The following FREM1 variants were observed in gnomAD, a reference collection of about 807,000 sequenced individuals.
FREM1 encodes the protein FRAS1 related extracellular matrix 1, also known as FRAS1-related extracellular matrix protein 1.
In FREM1, 220 loss-of-function variants were observed where a neutral mutation model predicts 210.1. That is an observed-to-expected ratio of 1.05 (90% CI 0.94 to 1.17). The LOEUF (loss-of-function observed/expected upper bound fraction) is 1.17. Among genes scored for constraint, FREM1 ranks in the 50% most tolerant of loss-of-function variants. The pLI is 0.00. For missense variants in FREM1, 3,454 were observed against 2,675.5 expected (o/e 1.29, Z -6.42); for synonymous variants, 1,189 against 980.2 (o/e 1.21, Z -3.98).
chr9:14,775,627 G>A (rs932586262), intron 25 of FREM1, among the ~76,000 whole-genome samples, 162 bp downstream of exon 25: 1 of 148,786 alleles, frequency 6.7e-6, no homozygotes, highest in East Asian at 2.0e-4. Flanking sequence ...AGAATCGCTT[G>A]AGCCCAGGAG....
intron 27 of FREM1, among the ~76,000 whole-genome samples, chr9:14,767,624 C>G (rs534203039): frequency 1.1e-4 from 17 of 152,142 alleles, no homozygotes; most frequent in African/African-American, 4.1e-4. Context: ...TAACTACGTT[C>G]TGCCTGGCTG....
chr9:14,877,919 T>C (rs1482938330), intron 1 of FREM1, among the ~76,000 whole-genome samples: 1 of 152,126 alleles, frequency 6.6e-6, no homozygotes, highest in Non-Finnish European at 1.5e-5. Flanking sequence ...AAATAAAAAG[T>C]TAATACACTC....
At chr9:14,769,126 T>A (rs1476918283) in intron 27 of FREM1, among the ~76,000 whole-genome samples, 1 of 152,172 alleles carries the variant, frequency 6.6e-6, no homozygotes, top group Non-Finnish European at 1.5e-5. Flanking sequence ...TCTCGTTAAT[T>A]TTGAAGATTT....
intron 10 of FREM1, among the ~76,000 whole-genome samples, chr9:14,828,729 C>G (rs745779587): frequency 6.7e-5 from 10 of 150,184 alleles, no homozygotes; most frequent in Non-Finnish European, 1.3e-4. Context: ...CTAAATTAGT[C>G]ATTTATCCCG....
chr9:14,822,276 T>C (rs886175458), intron 13 of FREM1, among the ~76,000 whole-genome samples: 2 of 152,158 alleles, frequency 1.3e-5, no homozygotes, highest in African/African-American at 4.8e-5. Flanking sequence ...AATACACCCA[T>C]CAAAACTTCT....
At chr9:14,805,444 G>A (rs1818185868) in intron 18 of FREM1, among the ~76,000 whole-genome samples, 2 of 152,208 alleles carry the variant, frequency 1.3e-5, no homozygotes, top group African/African-American at 2.4e-5. Flanking sequence ...TAGAATAAAT[G>A]TCGGAGACCT....
At position 14,737,299 on chromosome 9, in the gene FREM1, C is replaced by G. The variant is rs1377597298; in HGVS notation, c.*97G>C. 2 of 825,326 alleles carry G rather than the reference C, an allele frequency of 2.4e-6. No individual in the cohort carries two copies. Among genetic ancestry groups the G allele is most frequent in the East Asian group, 2.6e-5 (1 of 37,936 alleles). The allele number at this position is 825,326 out of a possible 1,614,324, so 51.1% of individuals were successfully genotyped here. A position where few individuals can be genotyped will look rare whatever the true frequency, so the allele number is the denominator to read the frequency against. On this transcript the variant is annotated 3_prime_UTR_variant, in exon 37 of 37. Coordinates refer to ENST00000380880, the MANE Select transcript of FREM1 (RefSeq NM_001379081.2). Reference sequence around the variant, plus strand: ...ACAGAATCACAAAGGTATACCCACTCAATCATAACAATTTGTTTTCTATGG... The same window carrying G: ...ACAGAATCACAAAGGTATACCCACTGAATCATAACAATTTGTTTTCTATGG...
intron 13 of FREM1, among the ~76,000 whole-genome samples, chr9:14,822,180 C>T (rs1044289493): frequency 5.9e-5 from 9 of 152,116 alleles, no homozygotes; most frequent in African/African-American, 1.4e-4. Context: ...TCCCTAGCCA[C>T]GTGAAACTGT....
intron 24 of FREM1, among the ~76,000 whole-genome samples, chr9:14,781,425 C>T (rs999645969): frequency 6.6e-6 from 1 of 152,086 alleles, no homozygotes; most frequent in African/African-American, 2.4e-5. Flanking sequence ...TTGCCATATG[C>T]CTGTACTATG....
chr9:14,782,896 A>G (rs764903762), intron 24 of FREM1, among the ~76,000 whole-genome samples: 28 of 152,208 alleles, frequency 1.8e-4, no homozygotes, highest in Non-Finnish European at 3.5e-4. Flanking sequence ...GTGTAACCTG[A>G]TGATTGTCAC....
At chr9:14,818,401 A>G (rs1312939871) in intron 14 of FREM1, among the ~76,000 whole-genome samples, 7 of 152,200 alleles carry the variant, frequency 4.6e-5, no homozygotes, top group African/African-American at 1.7e-4. Flanking sequence ...TCTTCTGTAC[A>G]AATCTTAGTT....
chr9:14,741,825 G>C (rs996820303), intron 35 of FREM1, among the ~76,000 whole-genome samples: 1 of 152,016 alleles, frequency 6.6e-6, no homozygotes, highest in South Asian at 2.1e-4. Flanking sequence ...GGATATAATG[G>C]GTTTTATTCA....
intron 29 of FREM1, among the ~76,000 whole-genome samples, chr9:14,754,458 T>A (rs1226955454): frequency 6.6e-6 from 1 of 152,196 alleles, no homozygotes; most frequent in Non-Finnish European, 1.5e-5. Context: ...GATTTTTGCA[T>A]GTCGAAGTGA....
chr9:14,773,100 A>AT (rs970144118), intron 25 of FREM1, among the ~76,000 whole-genome samples: 8 of 151,800 alleles, frequency 5.3e-5, no homozygotes, highest in Non-Finnish European at 1.2e-4. Context: ...GGGTTGCAAG[A>AT]TTTTTTTTTA....
chr9:14,780,478 C>A (rs1849486819), intron 24 of FREM1, among the ~76,000 whole-genome samples: 1 of 140,458 alleles, frequency 7.1e-6, no homozygotes, highest in Non-Finnish European at 1.6e-5. Flanking sequence ...AAATGGAGGA[C>A]ATTAGCATGT....
At chr9:14,820,519 A>G (rs1300454771) in intron 13 of FREM1, among the ~76,000 whole-genome samples, 1 of 152,322 alleles carries the variant, frequency 6.6e-6, no homozygotes, top group East Asian at 1.9e-4. Flanking sequence ...GGAAGAGGAA[A>G]GGGAAGGAAG....
intron 1 of FREM1, among the ~76,000 whole-genome samples, chr9:14,891,048 G>T (rs999756117): frequency 6.6e-6 from 1 of 152,178 alleles, no homozygotes; most frequent in South Asian, 2.1e-4. Context: ...CCGTGGGCAT[G>T]TACCAAAACT....
intron 35 of FREM1, among the ~76,000 whole-genome samples, chr9:14,745,478 T>C (rs1390640076): frequency 1.3e-5 from 2 of 152,212 alleles, no homozygotes; most frequent in East Asian, 1.9e-4. Context: ...CGTCATTTTG[T>C]CATTGATTTG....
At chr9:14,741,106 T>TA (rs1324584618) in intron 35 of FREM1, among the ~76,000 whole-genome samples, 11 of 152,134 alleles carry the variant, frequency 7.2e-5, no homozygotes, top group African/African-American at 2.7e-4. Flanking sequence ...AATTAAATTT[T>TA]AAAAAATAAT....
Sources: gnomAD v4.1 joint callset for allele counts (sites outside exome capture counted in the v4.1 genomes callset) on GRCh38, gnomAD v4.1.1 for gene constraint, MANE v1.5 for transcripts, NCBI Gene and HGNC (gene_info 2026-07-23, HGNC 2026-07-21) for gene names.